RANBP9: variants seen among roughly 807,000 people sequenced by gnomAD.
RANBP9 encodes RAN binding protein 9.
RANBP9 carries 15 observed loss-of-function variants against 84.3 expected under a neutral mutation model. That is an observed-to-expected ratio of 0.18 (90% confidence interval 0.12 to 0.27). RANBP9 has a LOEUF of 0.27. Ranked by LOEUF, RANBP9 falls within the 10% of genes least tolerant of loss-of-function variation. The pLI is 1.00. For missense variants in RANBP9, 809 were observed against 912.8 expected (o/e 0.89, Z 1.46); for synonymous variants, 392 against 349.6 (o/e 1.12, Z -1.35).
At chr6:13,649,853 C>G (rs1444414156) in intron 5 of RANBP9, among the ~76,000 whole-genome samples, 29 of 152,172 alleles carry the variant, frequency 1.9e-4, no homozygotes, top group Admixed American at 1.8e-3. Context: ...CATCCCACAG[C>G]TGAAACTTTC....
intron 1 of RANBP9, among the ~76,000 whole-genome samples, chr6:13,697,997 T>C (rs1180100427): frequency 6.6e-6 from 1 of 152,364 alleles, no homozygotes; most frequent in East Asian, 1.9e-4. Flanking sequence ...AAAAATTGTA[T>C]CTTAAGATAT....
intron 12 of RANBP9, among the ~76,000 whole-genome samples, chr6:13,628,014 G>C (rs1001410405): frequency 2.6e-5 from 4 of 152,130 alleles, no homozygotes; most frequent in Non-Finnish European, 4.4e-5. Flanking sequence ...TAAAAACTCA[G>C]AGAAAAAGTT....
intron 4 of RANBP9, among the ~76,000 whole-genome samples, chr6:13,655,997 C>T (rs1297081560): frequency 1.3e-5 from 2 of 152,044 alleles, no homozygotes; most frequent in African/African-American, 4.8e-5. Flanking sequence ...ACTTTTAAGT[C>T]AGATAATACA....
At chr6:13,691,648 T>G (rs769609092) in intron 2 of RANBP9, among the ~76,000 whole-genome samples, 7 of 147,590 alleles carry the variant, frequency 4.7e-5, no homozygotes, top group African/African-American at 7.5e-5. Context: ...AAACTCAGTG[T>G]TTTTTTTTTG....
intron 1 of RANBP9, among the ~76,000 whole-genome samples, chr6:13,703,517 A>C (rs933938973): frequency 6.6e-5 from 10 of 152,196 alleles, no homozygotes; most frequent in Non-Finnish European, 1.0e-4. Context: ...TTTGTATTTT[A>C]TAATTACCAC....
At chr6:13,660,608 T>G (rs566564505) in intron 2 of RANBP9, among the ~76,000 whole-genome samples, 1 of 152,282 alleles carries the variant, frequency 6.6e-6, no homozygotes, top group African/African-American at 2.4e-5. Flanking sequence ...CCAACAGAAG[T>G]TTTAAAACTG....
intron 2 of RANBP9, among the ~76,000 whole-genome samples, chr6:13,670,431 GTCTT>G (rs1765748286): frequency 6.6e-6 from 1 of 152,178 alleles, no homozygotes; most frequent in Non-Finnish European, 1.5e-5. Flanking sequence ...ACAGATGTAA[GTCTT>G]TCTGATAGTG....
intron 2 of RANBP9, among the ~76,000 whole-genome samples, chr6:13,694,001 C>A (rs1191089735): frequency 6.6e-6 from 1 of 152,044 alleles, no homozygotes; most frequent in Non-Finnish European, 1.5e-5. Context: ...CAAGACTGCA[C>A]CACTGTACTC....
chr6:13,710,826 G>T, intron 1 of RANBP9, 109 bp downstream of exon 1: 1 of 1,258,242 alleles, frequency 7.9e-7, no homozygotes, highest in Non-Finnish European at 1.1e-6. Flanking sequence ...TGGCCTCCGA[G>T]GGCAGAGCCC....
chr6:13,710,843 G>A (rs1758258360), intron 1 of RANBP9, 92 bp downstream of exon 1: 1 of 1,372,350 alleles, frequency 7.3e-7, no homozygotes, highest in Admixed American at 2.3e-5. Context: ...GCCCGCGAGG[G>A]CGGGGGTCGG....
chr6:13,670,912 C>A (rs758333435), intron 2 of RANBP9, among the ~76,000 whole-genome samples: 7 of 151,000 alleles, frequency 4.6e-5, no homozygotes, highest in Non-Finnish European at 1.0e-4. Context: ...GAATGGCAGA[C>A]AATATATGCA....
chr6:13,644,381 T>C (rs1214123384), intron 6 of RANBP9, among the ~76,000 whole-genome samples, 164 bp downstream of exon 6: 1 of 151,406 alleles, frequency 6.6e-6, no homozygotes, highest in African/African-American at 2.5e-5. Context: ...TTTGTTTAAA[T>C]AGTGGAGTAA....
chr6:13,669,522 A>C (rs1765725741), intron 2 of RANBP9, among the ~76,000 whole-genome samples: 1 of 152,188 alleles, frequency 6.6e-6, no homozygotes, highest in Non-Finnish European at 1.5e-5. Flanking sequence ...TGGCTTAAAA[A>C]CAGACATAGA....
At position 13,696,291 on chromosome 6, in the gene RANBP9, T is replaced by C. The variant is rs1220339090; in HGVS notation, c.683+494A>G. ...TGATATAAAATTTGGTTCCAGGCCC[T>C]ACCATGGAATTCTCATTTGGAAATT... On this transcript the variant is annotated intron_variant, in intron 2 of 13. Transcript: ENST00000011619. Among the ~76,000 whole-genome samples the C allele has an allele frequency of 3.3e-5, 5 of 152,170 alleles. No individual in the cohort carries two copies. The East Asian group carries it at 9.6e-4, about 29-fold the overall frequency.
At chr6:13,666,303 C>T (rs1313125903) in intron 2 of RANBP9, among the ~76,000 whole-genome samples, 4 of 151,846 alleles carry the variant, frequency 2.6e-5, no homozygotes, top group South Asian at 2.1e-4. Context: ...TAGTCAGGTC[C>T]GCTATATCAT....
intron 5 of RANBP9, among the ~76,000 whole-genome samples, chr6:13,651,156 C>T (rs1050008067): frequency 6.6e-6 from 1 of 151,900 alleles, no homozygotes; most frequent in African/African-American, 2.4e-5. Context: ...AATAAAAATG[C>T]TAAGTGATAA....
At chr6:13,707,431 T>C (rs1352464059) in intron 1 of RANBP9, among the ~76,000 whole-genome samples, 1 of 152,216 alleles carries the variant, frequency 6.6e-6, no homozygotes, top group Non-Finnish European at 1.5e-5. Context: ...TGAAGCACTG[T>C]GTTCCAGTTA....
chr6:13,680,136 A>C (rs111847051), intron 2 of RANBP9, among the ~76,000 whole-genome samples: 6 of 152,198 alleles, frequency 3.9e-5, no homozygotes, highest in African/African-American at 1.4e-4. Flanking sequence ...TTACCAAAAA[A>C]CTCTTCAAAA....
At chr6:13,707,838 G>A (rs906503414) in intron 1 of RANBP9, among the ~76,000 whole-genome samples, 2 of 152,066 alleles carry the variant, frequency 1.3e-5, no homozygotes, top group Non-Finnish European at 2.9e-5. Context: ...TTATTTTCCC[G>A]TTATCATTAT....
Sources: allele counts gnomAD v4.1 joint callset (sites outside exome capture counted in the v4.1 genomes callset), GRCh38; gene constraint gnomAD v4.1.1; transcripts MANE v1.5; gene names NCBI Gene and HGNC (gene_info 2026-07-23, HGNC 2026-07-21).